The following UTRN variants were observed in gnomAD, a reference collection of about 807,000 sequenced individuals.
UTRN encodes the protein utrophin.
A neutral mutation model predicts 463.9 loss-of-function variants in UTRN; 283 were observed. The observed-to-expected ratio is 0.61, with a 90% CI of 0.55 to 0.67. UTRN has a LOEUF of 0.67. Among genes scored for constraint, UTRN ranks in the 30% least tolerant of loss-of-function variants. The pLI, the probability that UTRN is intolerant of heterozygous loss-of-function variation, is 0.00. For synonymous variants in UTRN, 1,442 were observed against 1,431.5 expected (o/e 1.01, Z -0.17); for missense variants, 3,922 against 4,084.3 (o/e 0.96, Z 1.08).
rs763718305 is a variant in UTRN at position 144,797,918 on chromosome 6, T to C, written c.9173T>C (p.Val3058Ala). Residue 3058 changes from valine to alanine, a missense_variant, in exon 64 of 75, where the codon GTG (valine) becomes GCG (alanine). Around this residue, in one of 3 missense-constraint regions of UTRN, gnomAD observed 1,309 missense variants for 1,452.6 expected, o/e 0.90. Transcript: ENST00000367545. The part of the protein sequence containing the change: ...SMVWLPVLHR[V>A]AAAETAKHQA... ...GTTTGGCTCCCAGTTTTACATCGAG[T>C]GGCAGCAGCGGAGACTGCAAAACAT... 2 of 1,614,138 alleles carry C rather than the reference T, an allele frequency of 1.2e-6. No homozygotes were observed. Among genetic ancestry groups the C allele is most frequent in the Non-Finnish European group, 1.7e-6 (2 of 1,180,012 alleles).
At chr6:144,666,378 TTAC>T (rs2128675568) in intron 51 of UTRN, among the ~76,000 whole-genome samples, 1 of 152,324 alleles carries the variant, frequency 6.6e-6, no homozygotes, top group South Asian at 2.1e-4. Flanking sequence ...CACAAAATGA[TTAC>T]TACATTTCCT....
chr6:144,775,581 A>G (rs1433139702), intron 60 of UTRN, among the ~76,000 whole-genome samples: 2 of 152,216 alleles, frequency 1.3e-5, no homozygotes. Context: ...AATTACGAAC[A>G]CACAAAAGGG....
intron 56 of UTRN, among the ~76,000 whole-genome samples, chr6:144,753,917 A>G (rs537126381): frequency 6.6e-6 from 1 of 152,236 alleles, no homozygotes; most frequent in East Asian, 1.9e-4. Flanking sequence ...AAAAATACGA[A>G]GAGTACATTA....
chr6:144,728,601 C>T (rs1562826911), intron 53 of UTRN, among the ~76,000 whole-genome samples: 1 of 143,172 alleles, frequency 7.0e-6, no homozygotes, highest in Non-Finnish European at 1.5e-5. Context: ...TCATTTAATG[C>T]TCATCAGTGA....
At chr6:144,628,559 T>G (rs557288050) in intron 51 of UTRN, among the ~76,000 whole-genome samples, 1 of 152,324 alleles carries the variant, frequency 6.6e-6, no homozygotes, top group Non-Finnish European at 1.5e-5. Context: ...CATTTTCAGC[T>G]TTTCCTTGAC....
intron 29 of UTRN, 123 bp downstream of exon 29, chr6:144,487,820 A>G (rs762575805): frequency 1.4e-5 from 13 of 903,862 alleles, no homozygotes; most frequent in Admixed American, 3.1e-5. Context: ...TTGGTAACCA[A>G]TGCTAACAGG....
chr6:144,544,444 C>T (rs539108194), intron 46 of UTRN, among the ~76,000 whole-genome samples: 1 of 152,214 alleles, frequency 6.6e-6, no homozygotes, highest in African/African-American at 2.4e-5. Context: ...CCCTGGCAAC[C>T]ACCGATCTGC....
chr6:144,390,681 C>T (rs753544999), intron 2 of UTRN, among the ~76,000 whole-genome samples: 10 of 152,214 alleles, frequency 6.6e-5, no homozygotes, highest in Admixed American at 1.3e-4. Context: ...ACCATTTTTA[C>T]GTGCCCCAAA....
chr6:144,728,100 C>CAA (rs5880604), intron 53 of UTRN, among the ~76,000 whole-genome samples: 4 of 104,014 alleles, frequency 3.8e-5, no homozygotes, highest in African/African-American at 9.2e-5. Context: ...GACTCCATCT[C>CAA]AAAAAAAAAA....
At chr6:144,359,203 G>T (rs986705506) in intron 2 of UTRN, among the ~76,000 whole-genome samples, 18 of 152,210 alleles carry the variant, frequency 1.2e-4, no homozygotes, top group African/African-American at 4.3e-4. Flanking sequence ...GTTCCATTTT[G>T]CTGTGGAAGC....
chr6:144,701,126 C>T (rs767170412), intron 53 of UTRN, among the ~76,000 whole-genome samples: 3 of 152,044 alleles, frequency 2.0e-5, no homozygotes, highest in East Asian at 1.9e-4. Context: ...AGGCTGGTCT[C>T]GAACTCCTGA....
chr6:144,708,036 T>G (rs1785267500), intron 53 of UTRN: 1 of 183,732 alleles, frequency 5.4e-6, no homozygotes, highest in Non-Finnish European at 1.1e-5. Context: ...ACTCGTTTCT[T>G]AAAGCTTTTT....
At chr6:144,439,807 A>C (rs142366815) in intron 12 of UTRN, among the ~76,000 whole-genome samples, 3 of 152,220 alleles carry the variant, frequency 2.0e-5, no homozygotes, top group Admixed American at 6.5e-5. Flanking sequence ...CCAGCCTATA[A>C]ATTTTCTATA....
intron 51 of UTRN, among the ~76,000 whole-genome samples, chr6:144,587,946 T>C (rs781461824): frequency 2.0e-5 from 3 of 152,168 alleles, no homozygotes; most frequent in Non-Finnish European, 4.4e-5. Flanking sequence ...GTTAGATTAG[T>C]ACAGAAACTG....
At chr6:144,537,847 A>T in intron 44 of UTRN, 130 bp downstream of exon 44, 1 of 1,285,588 alleles carries the variant, frequency 7.8e-7, no homozygotes, top group East Asian at 2.6e-5. Flanking sequence ...GTGAACCTGA[A>T]AGAGGAATAT....
intron 1 of UTRN, among the ~76,000 whole-genome samples, chr6:144,290,816 G>C (rs1804170986): frequency 7.0e-6 from 1 of 142,302 alleles, no homozygotes; most frequent in Admixed American, 7.3e-5. Context: ...CCAGGGTGGA[G>C]TGCAGTGGCG....
intron 52 of UTRN, among the ~76,000 whole-genome samples, chr6:144,691,829 C>T (rs977660640): frequency 6.6e-6 from 1 of 152,106 alleles, no homozygotes; most frequent in Non-Finnish European, 1.5e-5. Flanking sequence ...CTATTATATT[C>T]ACCACCTTGT....
intron 65 of UTRN, among the ~76,000 whole-genome samples, chr6:144,817,569 G>C (rs750908942): frequency 6.6e-6 from 1 of 151,604 alleles, no homozygotes; most frequent in South Asian, 2.1e-4. Flanking sequence ...TTAAAATAGA[G>C]AAATATTAGG....
At chr6:144,509,356 A>T (rs945526550) in intron 34 of UTRN, among the ~76,000 whole-genome samples, 3 of 151,916 alleles carry the variant, frequency 2.0e-5, no homozygotes, top group African/African-American at 4.8e-5. Flanking sequence ...TATTGATTTT[A>T]TATATTCAAT....
Sources: allele counts gnomAD v4.1 joint callset (sites outside exome capture counted in the v4.1 genomes callset), GRCh38; gene constraint gnomAD v4.1.1; regional missense constraint gnomAD v4.1.1; transcripts MANE v1.5; gene names NCBI Gene and HGNC (gene_info 2026-07-23, HGNC 2026-07-21).